ANKS1A: variants seen among roughly 807,000 people sequenced by gnomAD.
The protein encoded by ANKS1A is ankyrin repeat and SAM domain-containing protein 1A.
Under a neutral mutation model 120.3 loss-of-function variants are expected in ANKS1A, and 55 were observed. The ratio of observed to expected loss-of-function variants is 0.46; its 90% CI spans 0.37 to 0.57. The LOEUF (loss-of-function observed/expected upper bound fraction) is 0.57, where lower values mean the gene tolerates loss of function less well. Among genes scored for constraint, ANKS1A ranks in the 20% least tolerant of loss-of-function variants. The pLI is 0.00. For synonymous variants in ANKS1A, 590 were observed against 604.7 expected (o/e 0.98, Z 0.36); for missense variants, 1,123 against 1,480.3 (o/e 0.76, Z 3.96).
chr6:35,080,687 C>CA (rs1317137106), intron 16 of ANKS1A, among the ~76,000 whole-genome samples: 5 of 152,322 alleles, frequency 3.3e-5, no homozygotes, highest in Admixed American at 2.0e-4. Context: ...CCCTGACTGA[C>CA]AGGGCTCCAT....
intron 5 of ANKS1A, 42 bp from the exon 6 acceptor site, chr6:34,983,071 G>A (rs1771983921): frequency 6.3e-7 from 1 of 1,586,970 alleles, no homozygotes; most frequent in Non-Finnish European, 8.6e-7. Context: ...AGGCTGGCTT[G>A]AAAATGCTCA....
At chr6:34,903,264 T>C (rs9368837) in intron 1 of ANKS1A, among the ~76,000 whole-genome samples, 10,951 of 150,326 alleles carry the variant, frequency 0.073, 586 homozygotes, top group East Asian at 0.26. Flanking sequence ...TGGCTCATTG[T>C]GGGGTTTGAT....
At chr6:35,039,933 T>TGACAA (rs1775373664) in intron 11 of ANKS1A, among the ~76,000 whole-genome samples, 1 of 152,222 alleles carries the variant, frequency 6.6e-6, no homozygotes, top group Non-Finnish European at 1.5e-5. Flanking sequence ...ACCCTCTTCC[T>TGACAA]GGCTTAGAAA....
At chr6:34,933,210 A>C (rs1769076111) in intron 1 of ANKS1A, among the ~76,000 whole-genome samples, 1 of 152,142 alleles carries the variant, frequency 6.6e-6, no homozygotes, top group Admixed American at 6.5e-5. Context: ...CCTCTTTGGA[A>C]GTTTTATTTG....
chr6:35,078,726 C>A, intron 14 of ANKS1A, 70 bp downstream of exon 14: 3 of 1,434,882 alleles, frequency 2.1e-6, no homozygotes, highest in Non-Finnish European at 2.9e-6. Context: ...CCACCTGCAC[C>A]AAGAACAGGG....
At chr6:35,088,496 A>G in intron 23 of ANKS1A, 110 bp from the exon 24 acceptor site, 1 of 1,406,668 alleles carries the variant, frequency 7.1e-7, no homozygotes, top group Non-Finnish European at 1.0e-6. Flanking sequence ...TGCCCCGGGG[A>G]GGCTGTGAGG....
At chr6:34,960,112 C>T (rs1386679764) in intron 1 of ANKS1A, among the ~76,000 whole-genome samples, 6 of 152,210 alleles carry the variant, frequency 3.9e-5, no homozygotes, top group Admixed American at 3.9e-4. Flanking sequence ...CAGGCACGCT[C>T]CTTCCCAGGG....
chr6:35,075,415 C>CTTT (rs747359283), intron 13 of ANKS1A, among the ~76,000 whole-genome samples: 34 of 129,886 alleles, frequency 2.6e-4, no homozygotes, highest in African/African-American at 7.4e-4. Flanking sequence ...GGTTAATTTT[C>CTTT]TTTTTTTTTT....
chr6:34,974,785 A>G (rs1247196018), intron 3 of ANKS1A, among the ~76,000 whole-genome samples: 1 of 152,180 alleles, frequency 6.6e-6, no homozygotes, highest in African/African-American at 2.4e-5. Context: ...AAGTAAAAAT[A>G]TCTGGTAACT....
chr6:34,913,461 G>C (rs1427309401), intron 1 of ANKS1A, among the ~76,000 whole-genome samples: 1 of 152,140 alleles, frequency 6.6e-6, no homozygotes, highest in Non-Finnish European at 1.5e-5. Context: ...TGAGTAGCTA[G>C]GACCACAGGC....
At chr6:35,078,522 C>T (rs1777486186) in intron 13 of ANKS1A, 36 bp from the exon 14 acceptor site, 1 of 1,595,774 alleles carries the variant, frequency 6.3e-7, no homozygotes, top group African/African-American at 1.3e-5. Context: ...GCCATCCATC[C>T]AGGAGGGGCC....
intron 16 of ANKS1A, 115 bp downstream of exon 16, chr6:35,080,043 A>C (rs1777590329): frequency 2.5e-6 from 3 of 1,212,544 alleles, no homozygotes; most frequent in Non-Finnish European, 3.5e-6. Flanking sequence ...AAGCAGCTCC[A>C]ACAAGAAGAG....
intron 14 of ANKS1A, 141 bp from the exon 15 acceptor site, chr6:35,079,375 G>A: frequency 2.1e-6 from 2 of 956,644 alleles, no homozygotes; most frequent in Admixed American, 5.6e-5. Flanking sequence ...TGTGCGAAGT[G>A]GGGGGCTGGA....
intron 13 of ANKS1A, among the ~76,000 whole-genome samples, chr6:35,066,661 C>T (rs1469051550): frequency 2.0e-5 from 3 of 152,118 alleles, no homozygotes; most frequent in Non-Finnish European, 4.4e-5. Flanking sequence ...ACAAGGGCCT[C>T]AGAAGTCACC....
At chr6:34,995,766 C>T (rs932887709) in intron 10 of ANKS1A, among the ~76,000 whole-genome samples, 1 of 152,184 alleles carries the variant, frequency 6.6e-6, no homozygotes, top group Non-Finnish European at 1.5e-5. Flanking sequence ...TTGCTACTAT[C>T]CCATTGTGTG....
In ANKS1A at chr6:35,009,902, TAAAAAAAAAAAA is replaced by T. The variant is rs530605297; in HGVS notation, c.1424-7550_1424-7539del. ...TGGGTGACACGAGCAAGACTCTGTC[TAAAAAAAAAAAA>T]AAAAAAAAAAAAAAAAAAAAGTCCA... On this transcript the variant is annotated intron_variant, in intron 10 of 23. Coordinates refer to ENST00000360359, the MANE Select transcript of ANKS1A (RefSeq NM_015245.3). 195 of 78,406 alleles carry T rather than the reference TAAAAAAAAAAAA, an allele frequency of 2.5e-3. 1 individual carries two copies. Among genetic ancestry groups the T allele is most frequent in the South Asian group, 0.01 (89 of 8,560 alleles). The allele number at this position is 78,406 out of a possible 1,614,324, so 4.9% of individuals were successfully genotyped here. A position where few individuals can be genotyped will look rare whatever the true frequency, so the allele number is the denominator to read the frequency against.
intron 2 of ANKS1A, 88 bp downstream of exon 2, chr6:34,967,407 G>C: frequency 7.3e-7 from 1 of 1,365,302 alleles, no homozygotes. Context: ...AAGTTTGCTG[G>C]CTGAGCTTAG....
At position 35,082,816 on chromosome 6, in the gene ANKS1A, T is replaced by C. The variant is rs34422534; in HGVS notation, c.2835T>C (p.Asn945=). 7,835 of 1,611,882 alleles carry C rather than the reference T, an allele frequency of 4.9e-3. 45 individuals carry two copies. Among genetic ancestry groups the C allele is most frequent in the African/African-American group, 0.021 (1,553 of 75,008 alleles). Reference sequence around the variant, plus strand: ...TCGAGTCCTGTGGTTATGAAGCCAATGTGAGTTGCTCCCACCCTCCCAGCA... The same window carrying C: ...TCGAGTCCTGTGGTTATGAAGCCAACGTGAGTTGCTCCCACCCTCCCAGCA... ...LIFESCGYEA[N]YLGSMLIKDL... is the part of the protein sequence containing the mutation. The change falls in exon 18 of 24, where the codon AAT becomes AAC. Residue 945 remains asparagine, a splice_region_variant and synonymous_variant. Coordinates refer to ENST00000360359, the MANE Select transcript of ANKS1A (RefSeq NM_015245.3). This position sits in a 1 kb window ranked among gnomAD's most constrained non-coding sequence, Gnocchi z 4.1.
intron 1 of ANKS1A, among the ~76,000 whole-genome samples, chr6:34,914,797 TA>T (rs1002344833): frequency 6.6e-6 from 1 of 152,200 alleles, no homozygotes; most frequent in African/African-American, 2.4e-5. Flanking sequence ...CATGGATGCC[TA>T]AAATGGTATT....
Sources: allele counts gnomAD v4.1 joint callset (sites outside exome capture counted in the v4.1 genomes callset), GRCh38; gene constraint gnomAD v4.1.1; non-coding constraint Gnocchi (gnomAD v3.1); transcripts MANE v1.5; gene names NCBI Gene and HGNC (gene_info 2026-07-23, HGNC 2026-07-21).